The following KIAA1217 variants were observed in gnomAD, a reference collection of about 807,000 sequenced individuals.
The protein encoded by KIAA1217 is KIAA1217.
Under a neutral mutation model 163.9 loss-of-function variants are expected in KIAA1217, and 88 were observed. The ratio of observed to expected loss-of-function variants is 0.54; its 90% CI spans 0.45 to 0.64. KIAA1217 has a LOEUF of 0.64. Among genes scored for constraint, KIAA1217 ranks in the 30% least tolerant of loss-of-function variants. The probability of loss-of-function intolerance (pLI) is 0.00; values close to 1 mark genes in which losing one functional copy is unlikely to be tolerated. For synonymous variants in KIAA1217, 903 were observed against 923.1 expected, an observed-to-expected ratio of 0.98 and a Z score of 0.39; for missense variants, 2,372 against 2,475.0, an observed-to-expected ratio of 0.96 and a Z score of 0.88.
chr10:24,060,832 AC>A (rs2060696221), intron 2 of KIAA1217, among the ~76,000 whole-genome samples: 1 of 152,292 alleles, frequency 6.6e-6, no homozygotes, highest in African/African-American at 2.4e-5. Flanking sequence ...TTTAAAAAAA[AC>A]AAATATACTG....
intron 2 of KIAA1217, among the ~76,000 whole-genome samples, chr10:24,289,444 A>G (rs898931950): frequency 1.3e-5 from 2 of 152,138 alleles, no homozygotes; most frequent in African/African-American, 4.8e-5. Flanking sequence ...GAGGAGGAGA[A>G]GGTGGAGGAG....
At position 23,746,717 on chromosome 10, in the gene KIAA1217, CT is replaced by C. The variant is rs201123422; in HGVS notation, c.-321+51484del. 1.1e-3 allele frequency among the ~76,000 whole-genome samples: 169 copies of C among 152,244 alleles called. 1 individual carries two copies. In the East Asian group the frequency reaches 0.028, roughly 25 times the overall value. On this transcript the variant is annotated intron_variant, in intron 1 of 18. Transcript: ENST00000376462. ...GGATTACAGGTGTGAGTCACAGTGC[CT>C]GGCAGATATTCTTTTATAGCAACGT...
At chr10:24,090,244 G>A (rs553625586) in intron 2 of KIAA1217, among the ~76,000 whole-genome samples, 1 of 134,060 alleles carries the variant, frequency 7.5e-6, no homozygotes. Flanking sequence ...GTGGCTCACT[G>A]CAGCCTTGAA....
intron 1 of KIAA1217, among the ~76,000 whole-genome samples, chr10:23,910,588 A>G (rs1171713237): frequency 6.6e-6 from 1 of 152,212 alleles, no homozygotes; most frequent in African/African-American, 2.4e-5. Flanking sequence ...GTGAAAAGAA[A>G]TAAAATACTC....
chr10:24,220,477 T>C (rs1409682347), intron 2 of KIAA1217, among the ~76,000 whole-genome samples: 20 of 132,234 alleles, frequency 1.5e-4, no homozygotes, highest in Non-Finnish European at 2.2e-4. Flanking sequence ...TTTTTTGAGA[T>C]GGAGTCTTGC....
At chr10:23,934,581 A>ATATATATGTATATATATATATATG (rs1843418885) in intron 1 of KIAA1217, among the ~76,000 whole-genome samples, 2 of 65,890 alleles carry the variant, frequency 3.0e-5, no homozygotes, top group Non-Finnish European at 2.5e-5. Context: ...ATATATATAT[A>ATATATATGTATATATATATATATG]TATATATATG....
Position 24,499,033 on chromosome 10 carries a change from C to T in KIAA1217, c.1835-2346C>T, listed in dbSNP as rs539954265. ...TAGCAGAATGGTTCTTAGTAGCAAA[C>T]AGAAGGTAGCACAGTGTCATCTTTG... On this transcript the variant is annotated intron_variant, in intron 8 of 20. Transcript: ENST00000376454. Among the ~76,000 whole-genome samples, 11 of 152,272 alleles carry T rather than the reference C, an allele frequency of 7.2e-5. No individual in the cohort carries two copies. The South Asian group carries it at 1.9e-3, about 26-fold the overall frequency.
chr10:24,403,768 C>G (rs375758868), intron 3 of KIAA1217, among the ~76,000 whole-genome samples: 13 of 152,168 alleles, frequency 8.5e-5, no homozygotes, highest in African/African-American at 3.1e-4. Flanking sequence ...ACATCATTAG[C>G]CTTTAGAAAA....
At chr10:24,442,119 C>A (rs1006835086) in intron 5 of KIAA1217, among the ~76,000 whole-genome samples, 2 of 152,124 alleles carry the variant, frequency 1.3e-5, no homozygotes, top group Non-Finnish European at 2.9e-5. Flanking sequence ...ACCAGATTGG[C>A]CCTACCTCTT....
At chr10:24,367,173 TTGA>T in intron 2 of KIAA1217, 1 of 985,534 alleles carries the variant, frequency 1.0e-6, no homozygotes, top group South Asian at 4.7e-5. Context: ...TCAAAGGTAC[TTGA>T]TGAAAATTGA....
At chr10:24,227,681 C>T (rs962720826) in intron 2 of KIAA1217, among the ~76,000 whole-genome samples, 5 of 151,984 alleles carry the variant, frequency 3.3e-5, no homozygotes, top group South Asian at 2.1e-4. Context: ...TACAGGCGCC[C>T]GCCACCATGC....
intron 2 of KIAA1217, among the ~76,000 whole-genome samples, chr10:24,312,501 C>T (rs2042834691): frequency 6.6e-6 from 1 of 152,104 alleles, no homozygotes; most frequent in African/African-American, 2.4e-5. Flanking sequence ...TGCCTGTAAT[C>T]CCAGCTGCTC....
At position 24,147,030 on chromosome 10, in the gene KIAA1217, AAC is replaced by A. The variant is rs1169241181; in HGVS notation, c.-170-72594_-170-72593del. Among the ~76,000 whole-genome samples, 142 of 148,860 alleles carry A rather than the reference AAC, an allele frequency of 9.5e-4. 1 individual carries two copies. The highest frequency in any genetic ancestry group is 8.6e-3 in the East Asian group (44 of 5,134). ...TTAAAAAAAAAAAAAAAAAAAAAAA[AAC>A]AGTTCCCAGAGATTCTGATTCCAGT... On this transcript the variant is annotated intron_variant, in intron 2 of 18. Coordinates refer to the KIAA1217 transcript ENST00000376462.
chr10:24,430,801 G>A (rs1047792261), intron 3 of KIAA1217, among the ~76,000 whole-genome samples: 2 of 152,164 alleles, frequency 1.3e-5, no homozygotes, highest in African/African-American at 4.8e-5. Context: ...TCGAGCAATG[G>A]GGAGCAGCTG....
At position 23,708,719 on chromosome 10, in the gene KIAA1217, G is replaced by T. The variant is rs190370568; in HGVS notation, c.-321+13485G>T. Among the ~76,000 whole-genome samples the T allele has an allele frequency of 1.1e-4, 17 of 152,316 alleles. No individual in the cohort carries two copies. In the East Asian group the frequency reaches 2.9e-3, roughly 26 times the overall value. On this transcript the variant is annotated intron_variant, in intron 1 of 18. Coordinates refer to the KIAA1217 transcript ENST00000376462. ...GGCAGGGCCTTAACTCCTCAAAGAGGAGTGCAGATTTATTCTAAGGATGGT... is the reference window on the plus strand; with the variant it reads ...GGCAGGGCCTTAACTCCTCAAAGAGTAGTGCAGATTTATTCTAAGGATGGT...
intron 2 of KIAA1217, among the ~76,000 whole-genome samples, chr10:24,096,057 G>A (rs143867604): frequency 6.6e-6 from 1 of 152,182 alleles, no homozygotes; most frequent in South Asian, 2.1e-4. Flanking sequence ...GCAGTGAGCT[G>A]TGATTGCACC....
chr10:24,533,490 G>C (rs1291302299), intron 16 of KIAA1217, among the ~76,000 whole-genome samples: 1 of 152,222 alleles, frequency 6.6e-6, no homozygotes, highest in Non-Finnish European at 1.5e-5. Flanking sequence ...CTGTAAAATT[G>C]ACTTTCCTTT....
At chr10:24,070,427 C>G (rs2061141675) in intron 2 of KIAA1217, among the ~76,000 whole-genome samples, 1 of 152,066 alleles carries the variant, frequency 6.6e-6, no homozygotes, top group Non-Finnish European at 1.5e-5. Flanking sequence ...AATTTTATGT[C>G]TATACGTAGG....
In KIAA1217 at chr10:24,458,092, G is replaced by A. The variant is rs546260631; in HGVS notation, c.847-15136G>A. Reference sequence around the variant, plus strand: ...TGGCTAAACTCCTTCAGCTGTTGGTGCAGCAAAAGGCATGGCAGGGCGTGG... The same window carrying A: ...TGGCTAAACTCCTTCAGCTGTTGGTACAGCAAAAGGCATGGCAGGGCGTGG... On this transcript the variant is annotated intron_variant, in intron 5 of 20. Transcript: ENST00000376454. Among the ~76,000 whole-genome samples the A allele has an allele frequency of 2.8e-4, 43 of 152,346 alleles. No individual in the cohort carries two copies. In the South Asian group the frequency reaches 8.5e-3, roughly 30 times the overall value.
Sources: gnomAD v4.1 joint callset for allele counts (sites outside exome capture counted in the v4.1 genomes callset) on GRCh38, gnomAD v4.1.1 for gene constraint, MANE v1.5 for transcripts, NCBI Gene and HGNC (gene_info 2026-07-23, HGNC 2026-07-21) for gene names.